Variants in CMIP observed in about 807,000 individuals in gnomAD.
The protein encoded by CMIP is C-Maf-inducing protein.
Under a neutral mutation model 97.3 loss-of-function variants are expected in CMIP, and 13 were observed. The observed-to-expected ratio is 0.13, with a 90% CI of 0.09 to 0.21. The LOEUF (loss-of-function observed/expected upper bound fraction) is 0.21. CMIP is among the 10% of genes least tolerant of loss of function. CMIP has a pLI of 1.00. For missense variants in CMIP, 847 were observed against 1,024.9 expected, an observed-to-expected ratio of 0.83 and a Z score of 2.37; for synonymous variants, 538 against 436.3, an observed-to-expected ratio of 1.23 and a Z score of -2.91.
intron 1 of CMIP, among the ~76,000 whole-genome samples, chr16:81,596,044 T>G (rs1597128381): frequency 6.6e-6 from 1 of 152,322 alleles, no homozygotes; most frequent in South Asian, 2.1e-4. Flanking sequence ...ACTTTTTTTT[T>G]GTCTACGTTC....
chr16:81,511,323 A>G (rs1028869460), intron 1 of CMIP, among the ~76,000 whole-genome samples: 9 of 152,252 alleles, frequency 5.9e-5, no homozygotes, highest in South Asian at 2.1e-4. Flanking sequence ...CAAATGTCCA[A>G]TGTTCACATT....
chr16:81,650,477 G>A (rs1468996684), intron 3 of CMIP, among the ~76,000 whole-genome samples: 2 of 152,150 alleles, frequency 1.3e-5, no homozygotes, highest in East Asian at 1.9e-4. Context: ...GAAAGACTTG[G>A]GGTGATGGGC....
At chr16:81,450,931 A>G (rs1906168424) in intron 1 of CMIP, among the ~76,000 whole-genome samples, 1 of 152,220 alleles carries the variant, frequency 6.6e-6, no homozygotes. Context: ...ACATGCATGC[A>G]CACAGCTGTC....
intron 3 of CMIP, among the ~76,000 whole-genome samples, chr16:81,635,488 C>A (rs535271491): frequency 6.6e-6 from 1 of 152,166 alleles, no homozygotes; most frequent in African/African-American, 2.4e-5. Flanking sequence ...GAGTGACACC[C>A]ACCAGGTGTT....
intron 10 of CMIP, among the ~76,000 whole-genome samples, chr16:81,682,821 T>C (rs1289881916): frequency 6.6e-6 from 1 of 152,214 alleles, no homozygotes; most frequent in East Asian, 1.9e-4. Flanking sequence ...TTTTGAAAAG[T>C]AACCTAAGTT....
intron 1 of CMIP, among the ~76,000 whole-genome samples, chr16:81,600,138 G>T (rs1330297640): frequency 1.3e-5 from 2 of 152,036 alleles, no homozygotes; most frequent in African/African-American, 4.8e-5. Context: ...AATTAGCCAG[G>T]AGTGGTGGTG....
At chr16:81,551,081 C>T (rs1379983096) in intron 1 of CMIP, among the ~76,000 whole-genome samples, 5 of 147,398 alleles carry the variant, frequency 3.4e-5, no homozygotes, top group African/African-American at 7.6e-5. Flanking sequence ...ACCCCAGTCC[C>T]GTCACACGCA....
chr16:81,539,427 G>A (rs755467290), intron 1 of CMIP, among the ~76,000 whole-genome samples: 10 of 152,188 alleles, frequency 6.6e-5, no homozygotes, highest in Non-Finnish European at 1.0e-4. Context: ...CACAAGGGCC[G>A]TTTGAAGCAC....
At chr16:81,645,053 T>C (rs2092348541) in intron 3 of CMIP, among the ~76,000 whole-genome samples, 1 of 152,210 alleles carries the variant, frequency 6.6e-6, no homozygotes, top group Non-Finnish European at 1.5e-5. Context: ...TCTGCACCAC[T>C]ATAGTCACCA....
At chr16:81,615,383 G>A (rs1366448098) in intron 2 of CMIP, among the ~76,000 whole-genome samples, 1 of 147,578 alleles carries the variant, frequency 6.8e-6, no homozygotes, top group Non-Finnish European at 1.5e-5. Flanking sequence ...TATGGTGTGT[G>A]TATGGTGTGT....
At chr16:81,628,669 T>C (rs2150970587) in intron 3 of CMIP, among the ~76,000 whole-genome samples, 1 of 152,230 alleles carries the variant, frequency 6.6e-6, no homozygotes, top group East Asian at 1.9e-4. Flanking sequence ...CATGCATGCA[T>C]GTACACAGAC....
chr16:81,550,714 G>C (rs1387515063), intron 1 of CMIP, among the ~76,000 whole-genome samples: 1 of 152,088 alleles, frequency 6.6e-6, no homozygotes, highest in Non-Finnish European at 1.5e-5. Context: ...TGGTGACCTT[G>C]GCTTTTGCCC....
intron 1 of CMIP, among the ~76,000 whole-genome samples, chr16:81,554,711 G>C (rs761879906): frequency 6.6e-6 from 1 of 152,100 alleles, no homozygotes; most frequent in South Asian, 2.1e-4. Flanking sequence ...GTGTGACCCT[G>C]GGCAGGCAAC....
At chr16:81,696,833 T>A in intron 14 of CMIP, 166 bp downstream of exon 14, 1 of 646,080 alleles carries the variant, frequency 1.5e-6, no homozygotes, top group Non-Finnish European at 2.6e-6. Context: ...ATGGTGACCG[T>A]GACTGTCACT....
At chr16:81,628,163 G>A (rs2092100686) in intron 3 of CMIP, among the ~76,000 whole-genome samples, 1 of 152,118 alleles carries the variant, frequency 6.6e-6, no homozygotes, top group Admixed American at 6.5e-5. Context: ...TCCAGTAGGG[G>A]CTGTCACCCC....
At chr16:81,659,355 C>T (rs1344829816) in intron 5 of CMIP, among the ~76,000 whole-genome samples, 1 of 151,862 alleles carries the variant, frequency 6.6e-6, no homozygotes. Flanking sequence ...GAGGTTTGTT[C>T]TGGGTGTTAG....
In CMIP at chr16:81,607,674, G is replaced by A; in HGVS notation, c.408G>A (p.Gly136=). The A allele has an allele frequency of 1.9e-6, 3 of 1,613,946 alleles. No homozygotes were observed. Among genetic ancestry groups the A allele is most frequent in the Non-Finnish European group, 2.5e-6 (3 of 1,179,846 alleles). The change falls in exon 2 of 21, where the codon GGG becomes GGA. Residue 136 remains glycine, a synonymous_variant. Transcript: ENST00000537098. ...PKYCLQLTIP[G]GTVLLQAANS... ...ACTGTTTACAGCTCACGATTCCTGG[G>A]GGAACTGTCTTACTGCAGGTAGGAG...
intron 1 of CMIP, among the ~76,000 whole-genome samples, chr16:81,536,951 G>T (rs1460180890): frequency 6.6e-6 from 1 of 152,150 alleles, no homozygotes; most frequent in Non-Finnish European, 1.5e-5. Flanking sequence ...CTCCCCAGGG[G>T]TAACTGCTCT....
chr16:81,601,629 C>T (rs2091659068), intron 1 of CMIP, among the ~76,000 whole-genome samples: 1 of 152,186 alleles, frequency 6.6e-6, no homozygotes, highest in African/African-American at 2.4e-5. Context: ...GTATCTCTTC[C>T]TGGTCTGGCA....
Sources: gnomAD v4.1 joint callset for allele counts (sites outside exome capture counted in the v4.1 genomes callset) on GRCh38, gnomAD v4.1.1 for gene constraint, MANE v1.5 for transcripts, NCBI Gene and HGNC (gene_info 2026-07-23, HGNC 2026-07-21) for gene names.